KHDRBS2: variants seen among roughly 807,000 people sequenced by gnomAD.
KHDRBS2 encodes the protein KH domain-containing, RNA-binding, signal transduction-associated protein 2.
Under a neutral mutation model 44.3 loss-of-function variants are expected in KHDRBS2, and 26 were observed. The observed-to-expected ratio is 0.59, with a 90% CI of 0.43 to 0.81. KHDRBS2 has a LOEUF of 0.81. Ranked by LOEUF, KHDRBS2 falls within the 40% of genes least tolerant of loss-of-function variation. The pLI is 0.00. For missense variants in KHDRBS2, 476 were observed against 433.1 expected (o/e 1.10, Z -0.88); for synonymous variants, 194 against 151.1 (o/e 1.28, Z -2.08).
intron 4 of KHDRBS2, among the ~76,000 whole-genome samples, chr6:61,937,731 G>A (rs574762159): frequency 1.3e-5 from 2 of 152,102 alleles, no homozygotes; most frequent in South Asian, 4.2e-4. Flanking sequence ...GGAAGATCAG[G>A]ATTAGTAACT....
the KHDRBS2 span, among the ~76,000 whole-genome samples, chr6:61,547,941 A>G: frequency 6.6e-6 from 1 of 152,174 alleles, no homozygotes; most frequent in Non-Finnish European, 1.5e-5. Context: ...AATCAAAGGT[A>G]CAGCATTTTA....
chr6:62,282,147 G>C (rs1407036426), intron 1 of KHDRBS2, among the ~76,000 whole-genome samples: 1 of 151,936 alleles, frequency 6.6e-6, no homozygotes, highest in Non-Finnish European at 1.5e-5. Context: ...TAAGAAACAC[G>C]ATCTAACTAA....
In KHDRBS2 at chr6:61,994,421, C is replaced by T. The variant is rs1187400020; in HGVS notation, c.337-16209G>A. 3.3e-5 allele frequency among the ~76,000 whole-genome samples: 5 copies of T among 152,156 alleles called. No individual in the cohort carries two copies. The South Asian group carries it at 1.0e-3, about 32-fold the overall frequency. On this transcript the variant is annotated intron_variant, in intron 3 of 8. Coordinates refer to ENST00000281156, the MANE Select transcript of KHDRBS2 (RefSeq NM_152688.4). The stretch of plus-strand genomic sequence containing the variant: ...TTCTTAAGAATCCTCTACCATTCCC[C>T]TTTTGAGACTGCCTACATCTGCCTG...
chr6:61,848,511 G>GTA (rs1178845054), intron 6 of KHDRBS2, among the ~76,000 whole-genome samples: 6 of 30,052 alleles, frequency 2.0e-4, no homozygotes, highest in African/African-American at 9.5e-4. Context: ...ATATATATAT[G>GTA]TATATATGTA....
At chr6:61,607,540 A>AAAAAAG in the KHDRBS2 span, among the ~76,000 whole-genome samples, 2 of 148,130 alleles carry the variant, frequency 1.4e-5, no homozygotes, top group African/African-American at 2.4e-5. Context: ...AAAAAAAAAA[A>AAAAAAG]AAAAAGATGT....
the KHDRBS2 span, among the ~76,000 whole-genome samples, chr6:61,607,318 C>G: frequency 6.6e-6 from 1 of 150,854 alleles, no homozygotes; most frequent in Non-Finnish European, 1.5e-5. Context: ...CATGCTAATA[C>G]TGCACAATTT....
intron 1 of KHDRBS2, among the ~76,000 whole-genome samples, chr6:62,248,395 G>C (rs1219056537): frequency 6.6e-6 from 1 of 151,318 alleles, no homozygotes; most frequent in African/African-American, 2.4e-5. Flanking sequence ...GTCTTGCTCT[G>C]TCACCCAGGC....
chr6:61,606,364 T>C, the KHDRBS2 span, among the ~76,000 whole-genome samples: 1 of 152,214 alleles, frequency 6.6e-6, no homozygotes, highest in Non-Finnish European at 1.5e-5. Context: ...TTGGTTATCT[T>C]GCTCACAGTG....
At chr6:62,125,002 C>T (rs1562920738) in intron 2 of KHDRBS2, among the ~76,000 whole-genome samples, 1 of 152,132 alleles carries the variant, frequency 6.6e-6, no homozygotes, top group African/African-American at 2.4e-5. Context: ...GGACACTGAA[C>T]ATTTTTTTTC....
chr6:62,166,178 C>A (rs879936726), intron 2 of KHDRBS2, among the ~76,000 whole-genome samples: 2 of 151,986 alleles, frequency 1.3e-5, no homozygotes, highest in Admixed American at 6.6e-5. Flanking sequence ...GGCTGAATAA[C>A]ATTCCATTAT....
the KHDRBS2 span, among the ~76,000 whole-genome samples, chr6:61,601,024 A>G: frequency 5.5e-3 from 831 of 152,138 alleles, 4 homozygotes; most frequent in Non-Finnish European, 8.5e-3. Context: ...CTGATTATTC[A>G]CCCACATTTC....
At chr6:62,009,895 G>A (rs1473555730) in intron 3 of KHDRBS2, among the ~76,000 whole-genome samples, 1 of 152,206 alleles carries the variant, frequency 6.6e-6, no homozygotes. Context: ...GGGTCCTCAT[G>A]TAGAAGCTCT....
intron 4 of KHDRBS2, among the ~76,000 whole-genome samples, chr6:61,909,359 G>A (rs1482940950): frequency 3.3e-5 from 5 of 152,082 alleles, no homozygotes; most frequent in African/African-American, 4.8e-5. Flanking sequence ...ATGAGCCACC[G>A]TGCCTGGCCT....
At chr6:61,949,172 G>A (rs554295835) in intron 4 of KHDRBS2, among the ~76,000 whole-genome samples, 7 of 151,922 alleles carry the variant, frequency 4.6e-5, no homozygotes, top group Non-Finnish European at 1.0e-4. Context: ...TTTAAGTAGG[G>A]GTGAGAATAA....
chr6:61,765,188 C>G (rs890848002), intron 6 of KHDRBS2, among the ~76,000 whole-genome samples: 2 of 152,114 alleles, frequency 1.3e-5, no homozygotes, highest in Non-Finnish European at 2.9e-5. Context: ...ATAATCCCAG[C>G]ATTTCTATAA....
chr6:61,580,221 A>T, the KHDRBS2 span, among the ~76,000 whole-genome samples: 1 of 152,196 alleles, frequency 6.6e-6, no homozygotes, highest in African/African-American at 2.4e-5. Context: ...CAGTAAAAGT[A>T]AGAGGTGAAG....
chr6:61,771,476 A>G (rs1385327867), intron 6 of KHDRBS2, among the ~76,000 whole-genome samples: 1 of 152,186 alleles, frequency 6.6e-6, no homozygotes, highest in Non-Finnish European at 1.5e-5. Flanking sequence ...GGCTCAAAAT[A>G]AAGGGATGGA....
intron 3 of KHDRBS2, among the ~76,000 whole-genome samples, chr6:62,018,299 ATGTGTGTGTGTGTG>A (rs57360690): frequency 0.12 from 18,066 of 146,072 alleles, 1,301 homozygotes; most frequent in African/African-American, 0.19. Flanking sequence ...ATATATATAT[ATGTGTGTGTGTGTG>A]TGTGTGTGTG....
At chr6:61,610,001 G>C in the KHDRBS2 span, among the ~76,000 whole-genome samples, 2,506 of 152,012 alleles carry the variant, frequency 0.016, 38 homozygotes, top group Non-Finnish European at 0.024. Context: ...GTGAAACCCC[G>C]TCTCTGCTAA....
Sources: gnomAD v4.1 joint callset for allele counts (sites outside exome capture counted in the v4.1 genomes callset) on GRCh38, gnomAD v4.1.1 for gene constraint, MANE v1.5 for transcripts, NCBI Gene and HGNC (gene_info 2026-07-23, HGNC 2026-07-21) for gene names.